OTUD7A: variants seen among roughly 807,000 people sequenced by gnomAD.
OTUD7A encodes the protein OTU deubiquitinase 7A.
Under a neutral mutation model 65.7 loss-of-function variants are expected in OTUD7A, and 12 were observed. The ratio of observed to expected loss-of-function variants is 0.18; its 90% CI spans 0.12 to 0.30. OTUD7A has a LOEUF of 0.30. Ranked by LOEUF, OTUD7A falls within the 10% of genes least tolerant of loss-of-function variation. The probability of loss-of-function intolerance (pLI) is 1.00; values close to 1 mark genes in which losing one functional copy is unlikely to be tolerated. For synonymous variants in OTUD7A, 641 were observed against 586.3 expected (o/e 1.09, Z -1.35); for missense variants, 1,148 against 1,304.8 (o/e 0.88, Z 1.85).
At chr15:31,564,118 AT>A in intron 4 of OTUD7A, among the ~76,000 whole-genome samples, 1 of 150,430 alleles carries the variant, frequency 6.6e-6, no homozygotes, top group Non-Finnish European at 1.5e-5. Flanking sequence ...ATTAAAAAAA[AT>A]GTTAATGGGA....
chr15:31,543,365 A>C (rs1888039734), intron 5 of OTUD7A, among the ~76,000 whole-genome samples: 1 of 151,908 alleles, frequency 6.6e-6, no homozygotes, highest in African/African-American at 2.4e-5. Flanking sequence ...TTAAAAGAAG[A>C]TGTGTAAGGA....
At chr15:31,671,829 T>C (rs1892491463) in intron 1 of OTUD7A, among the ~76,000 whole-genome samples, 2 of 152,298 alleles carry the variant, frequency 1.3e-5, no homozygotes, top group African/African-American at 4.8e-5. Context: ...GTAAACTGCA[T>C]GTCATGGGGG....
At chr15:31,645,018 T>C (rs1426036369) in intron 3 of OTUD7A, among the ~76,000 whole-genome samples, 1 of 152,190 alleles carries the variant, frequency 6.6e-6, no homozygotes, top group South Asian at 2.1e-4. Flanking sequence ...GCAAACCCTC[T>C]GTGAATCGCT....
chr15:31,526,680 C>T (rs1374371837), intron 7 of OTUD7A, among the ~76,000 whole-genome samples: 3 of 152,340 alleles, frequency 2.0e-5, no homozygotes, highest in African/African-American at 7.2e-5. Flanking sequence ...GGGAATCTGC[C>T]CACCAACAAG....
chr15:31,532,654 G>A (rs192952831), intron 5 of OTUD7A, among the ~76,000 whole-genome samples: 37 of 152,238 alleles, frequency 2.4e-4, no homozygotes, highest in African/African-American at 7.7e-4. Flanking sequence ...GAGGCCAGGC[G>A]CGGTGGCTCA....
intron 1 of OTUD7A, among the ~76,000 whole-genome samples, chr15:31,829,597 C>A (rs1024996152): frequency 9.9e-5 from 15 of 152,212 alleles, no homozygotes; most frequent in Non-Finnish European, 1.5e-4. Flanking sequence ...AATGCATGGA[C>A]ACTGCAGAGC....
chr15:31,746,402 A>G (rs1894478045), intron 1 of OTUD7A, among the ~76,000 whole-genome samples: 1 of 152,154 alleles, frequency 6.6e-6, no homozygotes, highest in Non-Finnish European at 1.5e-5. Flanking sequence ...AATACTTACT[A>G]TTCAATGATA....
intron 1 of OTUD7A, among the ~76,000 whole-genome samples, chr15:31,716,069 A>G (rs1893573351): frequency 9.3e-6 from 1 of 107,908 alleles, no homozygotes. Context: ...TTTATAATAT[A>G]AATATAAAAA....
intron 1 of OTUD7A, among the ~76,000 whole-genome samples, chr15:31,841,658 T>C (rs1357830480): frequency 6.6e-6 from 1 of 152,178 alleles, no homozygotes; most frequent in Non-Finnish European, 1.5e-5. Context: ...TCAAGACCAG[T>C]ACTCCTCTCT....
At chr15:31,621,973 C>T (rs991763383) in intron 3 of OTUD7A, among the ~76,000 whole-genome samples, 2 of 152,200 alleles carry the variant, frequency 1.3e-5, no homozygotes, top group African/African-American at 2.4e-5. Context: ...GTGGCAAAAT[C>T]TCTCAGCATT....
At chr15:31,710,852 G>A (rs1893425044) in intron 1 of OTUD7A, among the ~76,000 whole-genome samples, 1 of 152,084 alleles carries the variant, frequency 6.6e-6, no homozygotes, top group Admixed American at 6.5e-5. Context: ...AGCATCTGGG[G>A]CCCCCAGGCC....
At chr15:31,799,328 T>C (rs1037235960) in intron 1 of OTUD7A, among the ~76,000 whole-genome samples, 5 of 152,174 alleles carry the variant, frequency 3.3e-5, no homozygotes. Context: ...GAAGCAAGTC[T>C]CTCCATTACA....
rs144255224 is a variant in OTUD7A, at chr15:31,659,178, C to T, written c.-99-2101G>A. On this transcript the variant is annotated intron_variant, in intron 1 of 12. Coordinates refer to ENST00000307050, the MANE Select transcript of OTUD7A (RefSeq NM_001382637.1). The stretch of plus-strand genomic sequence containing the variant: ...AACTGGACACTGGAAGGCAATAAAA[C>T]GGGTAGATGGAGAATGAGACTGGGA... 1.9e-3 allele frequency among the ~76,000 whole-genome samples: 285 copies of T among 152,174 alleles called. 1 individual carries two copies. The highest frequency in any genetic ancestry group is 6.4e-3 in the African/African-American group (267 of 41,542).
At chr15:31,772,128 T>C (rs1050194106) in intron 1 of OTUD7A, among the ~76,000 whole-genome samples, 6 of 72,724 alleles carry the variant, frequency 8.3e-5, no homozygotes, top group Non-Finnish European at 2.1e-4. Flanking sequence ...GGCGGGCGCC[T>C]GTAGTCCCAG....
At chr15:31,840,140 C>T (rs1332008917) in intron 1 of OTUD7A, among the ~76,000 whole-genome samples, 1 of 152,082 alleles carries the variant, frequency 6.6e-6, no homozygotes, top group Admixed American at 6.6e-5. Flanking sequence ...GAAGCTTAGG[C>T]CAGGCATGGT....
At chr15:31,671,985 G>T (rs905620845) in intron 1 of OTUD7A, among the ~76,000 whole-genome samples, 1 of 152,056 alleles carries the variant, frequency 6.6e-6, no homozygotes. Context: ...TGTACTTAAT[G>T]CTTAGCTCCC....
chr15:31,709,598 C>T (rs939591128), intron 1 of OTUD7A, among the ~76,000 whole-genome samples: 6 of 152,086 alleles, frequency 3.9e-5, no homozygotes, highest in East Asian at 1.9e-4. Context: ...GATTTACAGC[C>T]GCAGAGCATG....
chr15:31,805,066 G>A (rs140199760), intron 1 of OTUD7A, among the ~76,000 whole-genome samples: 3 of 152,266 alleles, frequency 2.0e-5, no homozygotes, highest in African/African-American at 7.2e-5. Flanking sequence ...GAACAGCCAG[G>A]AGCCATCCTT....
chr15:31,551,205 G>A (rs539102986), intron 5 of OTUD7A, among the ~76,000 whole-genome samples: 308 of 152,272 alleles, frequency 2.0e-3, no homozygotes, highest in African/African-American at 7.0e-3. Flanking sequence ...TCCAGCCTCC[G>A]GAGACCCCAT....
Sources: allele counts gnomAD v4.1 joint callset (sites outside exome capture counted in the v4.1 genomes callset), GRCh38; gene constraint gnomAD v4.1.1; transcripts MANE v1.5; gene names NCBI Gene and HGNC (gene_info 2026-07-23, HGNC 2026-07-21).